The following PPP1R11 variants were observed in gnomAD, a reference collection of about 807,000 sequenced individuals.
PPP1R11 encodes the protein E3 ubiquitin-protein ligase PPP1R11.
A neutral mutation model predicts 11.3 loss-of-function variants in PPP1R11; 10 were observed. The ratio of observed to expected loss-of-function variants is 0.88; its 90% CI spans 0.55 to 1.50. The LOEUF is 1.50. Ranked by LOEUF, PPP1R11 falls within the 40% of genes most tolerant of loss-of-function variation. The pLI is 0.00. For missense variants in PPP1R11, 114 were observed against 179.1 expected (o/e 0.64, Z 2.07); for synonymous variants, 56 against 62.3 (o/e 0.90, Z 0.48).
chr6:30,065,848 T>A (rs1582370296), upstream of PPP1R11, among the ~76,000 whole-genome samples: 1 of 152,298 alleles, frequency 6.6e-6, no homozygotes, highest in East Asian at 1.9e-4. This position sits in a 1 kb window ranked among gnomAD's most constrained non-coding sequence, Gnocchi z 5.3. Context: ...CTAGACATGC[T>A]GAACTATATC....
intron 1 of PPP1R11, chr6:30,068,312 G>A (rs1765680502): frequency 6.6e-6 from 2 of 301,284 alleles, no homozygotes; most frequent in Admixed American, 4.9e-5. Context: ...GAAACAGCAA[G>A]GATTATATTT....
At chr6:30,068,973 G>T in intron 2 of PPP1R11, 131 bp from the exon 3 acceptor site, 2 of 968,372 alleles carry the variant, frequency 2.1e-6, no homozygotes, top group South Asian at 3.2e-5. Flanking sequence ...GTCCCAGAGG[G>T]TGGGCCTGGG....
Position 30,067,198 on chromosome 6 carries a change from G to C in PPP1R11, c.-213G>C. On this transcript the variant is annotated 5_prime_UTR_variant, in exon 1 of 3. Coordinates refer to ENST00000376772, the MANE Select transcript of PPP1R11 (RefSeq NM_021959.3). Reference sequence around the variant, plus strand: ...GGGAAAAAGGGGGACTGCAGTATGCGTCACACCCGGAAGCGGCGAGCCGGA... The same window carrying C: ...GGGAAAAAGGGGGACTGCAGTATGCCTCACACCCGGAAGCGGCGAGCCGGA... The C allele has an allele frequency of 1.9e-6, 1 of 532,626 alleles. No homozygotes were observed. Among genetic ancestry groups the C allele is most frequent in the Middle Eastern group, 3.5e-4 (1 of 2,860 alleles). The allele number at this position is 532,626 out of a possible 1,614,324, so 33.0% of individuals were successfully genotyped here.
chr6:30,068,800 CA>C (rs1765721522), intron 2 of PPP1R11, 102 bp downstream of exon 2: 1 of 1,062,492 alleles, frequency 9.4e-7, no homozygotes. Context: ...CCCAGATGTT[CA>C]TAGTTCTGTC....
chr6:30,067,921 A>G (rs1483576672), intron 1 of PPP1R11, among the ~76,000 whole-genome samples: 3 of 152,174 alleles, frequency 2.0e-5, no homozygotes, highest in Admixed American at 6.5e-5. Flanking sequence ...GAAACAAGAA[A>G]AGGAGATGAA....
In PPP1R11 at chr6:30,067,466, T is replaced by C; in HGVS notation, c.56T>C (p.Val19Ala). ...ACCGTCACTGAGACAACGGTTACCGTGACAACCGAGCCCGTGAGAAAGGCG... is the reference window on the plus strand; with the variant it reads ...ACCGTCACTGAGACAACGGTTACCGCGACAACCGAGCCCGTGAGAAAGGCG... ...SETVTETTVT[V>A]TTEPENRSLT... is the part of the protein sequence containing the mutation. The change falls in exon 1 of 3, where the codon GTG becomes GCG. Residue 19 changes from valine to alanine, a missense_variant. Coordinates refer to ENST00000376772, the MANE Select transcript of PPP1R11 (RefSeq NM_021959.3). 6.2e-7 allele frequency: 1 copy of C among 1,613,718 alleles called. No homozygotes were observed. The highest frequency in any genetic ancestry group is 8.5e-7 in the Non-Finnish European group (1 of 1,179,922).
At chr6:30,064,741 G>A, upstream of PPP1R11, 1 of 1,588,424 alleles carries the variant, frequency 6.3e-7, no homozygotes, top group Non-Finnish European at 8.6e-7. Flanking sequence ...CCTTTCGGAA[G>A]GTGAAGGATA....
chr6:30,068,694 C>A lies in PPP1R11; in HGVS notation c.174C>A (p.Ser58=), dbSNP rs2074482. 0.13 allele frequency: 202,085 copies of A among 1,610,512 alleles called. 15,808 individuals are homozygous for A. The highest frequency in any genetic ancestry group is 0.27 in the African/African-American group (20,551 of 74,870). The part of the protein sequence containing the change: ...VDNEHMGRRS[S]KCCCIYEKPR... ...ATGAACACATGGGCCGCCGCTCATC[C>A]AAATGTGAGTAATTGTTGGCCCGCA... The change falls in exon 2 of 3, where the codon TCC becomes TCA. Residue 58 remains serine (S), a synonymous_variant. Transcript: ENST00000376772.
At chr6:30,061,515 A>G in the PPP1R11 span, 2 of 1,612,728 alleles carry the variant, frequency 1.2e-6, no homozygotes, top group African/African-American at 2.7e-5. The surrounding 1 kb of genome is among the most constrained non-coding windows in gnomAD (Gnocchi z 5.0). Flanking sequence ...CCCTCCTCAG[A>G]CCCGACCGCA....
At chr6:30,061,418 G>C in the PPP1R11 span, 3 of 1,325,084 alleles carry the variant, frequency 2.3e-6, no homozygotes, top group South Asian at 4.2e-5. The surrounding 1 kb of genome is among the most constrained non-coding windows in gnomAD (Gnocchi z 5.0). Flanking sequence ...AGGAGGGTTC[G>C]GGTTATATAC....
upstream of PPP1R11, among the ~76,000 whole-genome samples, chr6:30,065,644 AC>A (rs1765458248): frequency 6.6e-6 from 1 of 151,912 alleles, no homozygotes; most frequent in African/African-American, 2.4e-5. The surrounding 1 kb of genome is among the most constrained non-coding windows in gnomAD (Gnocchi z 5.3). Context: ...AGCACCCCTT[AC>A]CCCCATGTTG....
chr6:30,061,583 G>C, the PPP1R11 span: 1 of 1,613,090 alleles, frequency 6.2e-7, no homozygotes, highest in Non-Finnish European at 8.5e-7. This position sits in a 1 kb window ranked among gnomAD's most constrained non-coding sequence, Gnocchi z 5.0. Context: ...CTGGATTTCT[G>C]TTCAGATTGC....
chr6:30,066,874 A>C (rs1474689409), upstream of PPP1R11: 1 of 154,388 alleles, frequency 6.5e-6, no homozygotes, highest in Non-Finnish European at 1.4e-5. Context: ...TCGCCGGTCC[A>C]CCTACCCAGA....
At position 30,067,488 on chromosome 6, in the gene PPP1R11, GGC is replaced by G. The variant is rs1765624929; in HGVS notation, c.69+11_69+12del. The G allele has an allele frequency of 6.2e-7, 1 of 1,613,126 alleles. No homozygotes were observed. ...CCGTGACAACCGAGCCCGTGAGAAA[GGC>G]GGGGGGGCGGTGCTGTTTAGGGGTC... On this transcript the variant is annotated intron_variant, in intron 1 of 2. Coordinates refer to ENST00000376772, the MANE Select transcript of PPP1R11 (RefSeq NM_021959.3).
At chr6:30,063,087 A>C (rs1040060639), upstream of PPP1R11, among the ~76,000 whole-genome samples, 1 of 152,098 alleles carries the variant, frequency 6.6e-6, no homozygotes, top group Admixed American at 6.5e-5. The surrounding 1 kb of genome is among the most constrained non-coding windows in gnomAD (Gnocchi z 4.1). Flanking sequence ...ACTATAGTAT[A>C]TCAAAATACG....
the PPP1R11 span, chr6:30,061,372 G>T: frequency 1.3e-6 from 1 of 798,682 alleles, no homozygotes; most frequent in East Asian, 2.7e-5. The surrounding 1 kb of genome is among the most constrained non-coding windows in gnomAD (Gnocchi z 5.0). Context: ...CGGGCGTTTC[G>T]GCTCCTTGGT....
upstream of PPP1R11, chr6:30,062,167 C>T (rs1174804675): frequency 8.0e-6 from 12 of 1,498,044 alleles, 1 homozygote; most frequent in Non-Finnish European, 1.1e-5. Context: ...TCGCCTGATT[C>T]CTGTGGGAAG....
chr6:30,063,362 TC>T (rs1208466747), upstream of PPP1R11, among the ~76,000 whole-genome samples: 2 of 152,038 alleles, frequency 1.3e-5, no homozygotes, highest in Admixed American at 6.5e-5. This position sits in a 1 kb window ranked among gnomAD's most constrained non-coding sequence, Gnocchi z 4.1. Context: ...AGGTCCCTCT[TC>T]CATGTCACTA....
chr6:30,061,711 G>A (rs377427340), upstream of PPP1R11: 111 of 1,610,450 alleles, frequency 6.9e-5, no homozygotes, highest in Non-Finnish European at 8.8e-5. The surrounding 1 kb of genome is among the most constrained non-coding windows in gnomAD (Gnocchi z 5.0). Flanking sequence ...AGGGCGCAGG[G>A]TCGGAAGCTT....
Sources: allele counts gnomAD v4.1 joint callset (sites outside exome capture counted in the v4.1 genomes callset), GRCh38; gene constraint gnomAD v4.1.1; non-coding constraint Gnocchi (gnomAD v3.1); transcripts MANE v1.5; gene names NCBI Gene and HGNC (gene_info 2026-07-23, HGNC 2026-07-21).